The following PLA2R1 variants were observed in gnomAD, a reference collection of about 807,000 sequenced individuals.
The protein encoded by PLA2R1 is secretory phospholipase A2 receptor.
PLA2R1 carries 158 observed loss-of-function variants against 195.9 expected under a neutral mutation model. That is an observed-to-expected ratio of 0.81 (90% CI 0.71 to 0.92). PLA2R1 has a LOEUF of 0.92. Among genes scored for constraint, PLA2R1 ranks in the 40% least tolerant of loss-of-function variants. The pLI, the probability that PLA2R1 is intolerant of heterozygous loss-of-function variation, is 0.00. For missense variants in PLA2R1, 1,626 were observed against 1,764.6 expected (o/e 0.92, Z 1.41); for synonymous variants, 586 against 598.2 (o/e 0.98, Z 0.30).
intron 23 of PLA2R1, among the ~76,000 whole-genome samples, chr2:159,953,779 G>C (rs1392708177): frequency 6.6e-6 from 1 of 152,168 alleles, no homozygotes; most frequent in Admixed American, 6.5e-5. Context: ...TCAAGGTAGT[G>C]GAATAGAATC....
intron 20 of PLA2R1, among the ~76,000 whole-genome samples, chr2:159,958,596 G>T (rs1234892541): frequency 1.3e-5 from 2 of 152,030 alleles, no homozygotes; most frequent in Non-Finnish European, 2.9e-5. Context: ...ACCAGAGAAG[G>T]CCCCTAGTAA....
rs1687006395 is a variant in PLA2R1, at chr2:159,939,719, C to T, written c.*2059G>A. On this transcript the variant is annotated 3_prime_UTR_variant, in exon 30 of 30. Transcript: ENST00000283243. Reference sequence around the variant, plus strand: ...CAGCTTCTTTCTGCAAAATCACTTTCCTAATGGTGTATTTTGTCAAATTAT... The same window carrying T: ...CAGCTTCTTTCTGCAAAATCACTTTTCTAATGGTGTATTTTGTCAAATTAT... The T allele has an allele frequency of 6.6e-6, 1 of 151,946 alleles. No homozygotes were observed. Among genetic ancestry groups the T allele is most frequent in the Non-Finnish European group, 1.5e-5 (1 of 67,982 alleles). The allele number at this position is 151,946 out of a possible 1,614,324, so 9.4% of individuals were successfully genotyped here. A position where few individuals can be genotyped will look rare whatever the true frequency, so the allele number is the denominator to read the frequency against.
chr2:159,981,490 C>G, intron 13 of PLA2R1, among the ~76,000 whole-genome samples: 1 of 152,016 alleles, frequency 6.6e-6, no homozygotes, highest in Admixed American at 6.6e-5. Context: ...ACTGCAACCT[C>G]CTCTTCCCAG....
At chr2:160,052,066 C>T (rs745930582) in intron 1 of PLA2R1, among the ~76,000 whole-genome samples, 3 of 152,226 alleles carry the variant, frequency 2.0e-5, no homozygotes, top group Non-Finnish European at 4.4e-5. Flanking sequence ...CCTACAGCTT[C>T]TGAACCTAGA....
At chr2:160,060,236 G>C (rs1695860418) in intron 1 of PLA2R1, among the ~76,000 whole-genome samples, 1 of 152,344 alleles carries the variant, frequency 6.6e-6, no homozygotes, top group South Asian at 2.1e-4. Context: ...CGTGGCTAAA[G>C]TGAGTCAATG....
intron 23 of PLA2R1, among the ~76,000 whole-genome samples, chr2:159,953,493 C>G (rs1353925965): frequency 6.6e-6 from 1 of 152,204 alleles, no homozygotes; most frequent in African/African-American, 2.4e-5. Context: ...TAAATATATG[C>G]TAGAAGTATG....
chr2:160,018,879 A>G (rs371522076), intron 8 of PLA2R1, among the ~76,000 whole-genome samples: 1 of 152,226 alleles, frequency 6.6e-6, no homozygotes, highest in Admixed American at 6.5e-5. Flanking sequence ...TTGCTGGCAT[A>G]ATTACTTTGT....
chr2:159,986,484 G>A (rs956107338), intron 12 of PLA2R1, among the ~76,000 whole-genome samples: 2 of 152,072 alleles, frequency 1.3e-5, no homozygotes, highest in African/African-American at 4.8e-5. Context: ...AGGAACTTAC[G>A]CAGAAACTGG....
chr2:159,976,198 G>C lies in PLA2R1; in HGVS notation c.2465C>G (p.Ala822Gly), dbSNP rs377065225. The C allele has an allele frequency of 2.0e-4, 326 of 1,608,900 alleles. No homozygotes were observed. Among genetic ancestry groups the C allele is most frequent in the Non-Finnish European group, 2.7e-4 (317 of 1,176,860 alleles). Residue 822 changes from alanine to glycine, a missense_variant, in exon 17 of 30, where the codon GCA (alanine) becomes GGA (glycine). Ala to Gly is a moderately conservative substitution (Grantham distance 60). Transcript: ENST00000283243. ...GGCAAAGGTATGAAAAAGGTATTCT[G>C]CATCCTGATAAAAGAGCCAGGGTAC... ...YDVPWLFYQDAEYLFHTFASE... is the reference protein window; with the variant it reads ...YDVPWLFYQDGEYLFHTFASE...
chr2:159,994,080 GA>G (rs956166880), intron 11 of PLA2R1, among the ~76,000 whole-genome samples: 20 of 142,918 alleles, frequency 1.4e-4, no homozygotes, highest in African/African-American at 3.6e-4. Flanking sequence ...CACAAAAAGA[GA>G]AAAAAAAATG....
At chr2:160,002,014 A>G (rs1004112559) in intron 11 of PLA2R1, among the ~76,000 whole-genome samples, 1 of 151,484 alleles carries the variant, frequency 6.6e-6, no homozygotes, top group Admixed American at 6.6e-5. Context: ...AATCTTTTCA[A>G]GTACATATGG....
chr2:159,987,047 C>T (rs1457359406), intron 12 of PLA2R1, 109 bp downstream of exon 12: 1 of 741,442 alleles, frequency 1.3e-6, no homozygotes, highest in African/African-American at 1.8e-5. Context: ...GTCTGTCAGG[C>T]ACTGTTCTGG....
In PLA2R1 at chr2:159,988,265, C is replaced by T. The variant is rs979004603; in HGVS notation, c.1835-907G>A. Among the ~76,000 whole-genome samples the T allele has an allele frequency of 2.0e-5, 3 of 150,720 alleles. No homozygotes were observed. The South Asian group carries it at 6.4e-4, about 32-fold the overall frequency. On this transcript the variant is annotated intron_variant, in intron 11 of 29. Transcript: ENST00000283243. Reference sequence around the variant, plus strand: ...AGAATGAGCTTGTTTTTTCTTGAATCCTGGGTGATCATTTAGTTAACTAAA... The same window carrying T: ...AGAATGAGCTTGTTTTTTCTTGAATTCTGGGTGATCATTTAGTTAACTAAA...
At chr2:159,955,420 C>T (rs1553829902) in intron 22 of PLA2R1, 74 bp from the exon 23 acceptor site, 1 of 954,440 alleles carries the variant, frequency 1.0e-6, no homozygotes, top group Non-Finnish European at 1.5e-6. Flanking sequence ...TTTATTAAGA[C>T]ATTATTTTTA....
At chr2:160,061,702 G>A (rs1196136203) in intron 1 of PLA2R1, among the ~76,000 whole-genome samples, 1 of 152,118 alleles carries the variant, frequency 6.6e-6, no homozygotes, top group Non-Finnish European at 1.5e-5. Flanking sequence ...TTGACCCCGG[G>A]AGGCGGAGGC....
intron 1 of PLA2R1, among the ~76,000 whole-genome samples, chr2:160,051,686 C>T (rs927023716): frequency 1.3e-5 from 2 of 152,338 alleles, no homozygotes; most frequent in Admixed American, 1.3e-4. Context: ...AAGTCCTATT[C>T]ATGGCCGAGT....
chr2:159,955,281 A>T lies in PLA2R1; in HGVS notation c.3219T>A (p.Asn1073Lys). The part of the protein sequence containing the change: ...HIPLCALLSS[N>K]PNFHFTGKWY... ...ATTTTCCAGTGAAATGAAAATTAGG[A>T]TTACTTGAGAGTAAGGCACAGAGAG... Residue 1073 changes from asparagine (N) to lysine (K), a missense_variant, in exon 23 of 30, where the codon AAT becomes AAA. Coordinates refer to ENST00000283243, the MANE Select transcript of PLA2R1 (RefSeq NM_007366.5). 1.2e-6 allele frequency: 2 copies of T among 1,606,758 alleles called. No homozygotes were observed. Among genetic ancestry groups the T allele is most frequent in the South Asian group, 1.1e-5 (1 of 90,766 alleles).
At chr2:160,002,776 T>C (rs565854078) in intron 11 of PLA2R1, among the ~76,000 whole-genome samples, 246 of 152,178 alleles carry the variant, frequency 1.6e-3, no homozygotes, top group African/African-American at 5.7e-3. Context: ...AAGTTAAGTT[T>C]ACCCAACAGT....
At chr2:160,057,900 G>C (rs370833914) in intron 1 of PLA2R1, among the ~76,000 whole-genome samples, 1 of 152,184 alleles carries the variant, frequency 6.6e-6, no homozygotes, top group Non-Finnish European at 1.5e-5. Flanking sequence ...GGAGCACCAG[G>C]GGGTGAATGC....
Sources: allele counts gnomAD v4.1 joint callset (sites outside exome capture counted in the v4.1 genomes callset), GRCh38; gene constraint gnomAD v4.1.1; transcripts MANE v1.5; gene names NCBI Gene and HGNC (gene_info 2026-07-23, HGNC 2026-07-21).